THSD7B: variants seen among roughly 807,000 people sequenced by gnomAD.
The protein encoded by THSD7B is thrombospondin type 1 domain containing 7B, also known as thrombospondin type-1 domain-containing protein 7B.
A neutral mutation model predicts 213.6 loss-of-function variants in THSD7B; 138 were observed. The ratio of observed to expected loss-of-function variants is 0.65; its 90% confidence interval spans 0.56 to 0.74. The LOEUF is 0.74. Ranked by LOEUF, THSD7B falls within the 30% of genes least tolerant of loss-of-function variation. THSD7B has a pLI of 0.00. For synonymous variants in THSD7B, 742 were observed against 687.0 expected, an observed-to-expected ratio of 1.08 and a Z score of -1.25; for missense variants, 1,931 against 1,991.5, an observed-to-expected ratio of 0.97 and a Z score of 0.58.
intron 1 of THSD7B, among the ~76,000 whole-genome samples, chr2:136,850,239 G>A (rs1003664883): frequency 2.6e-5 from 4 of 151,980 alleles, no homozygotes; most frequent in African/African-American, 9.7e-5. Context: ...ACTGTATAAT[G>A]CTGCATTGTA....
chr2:136,882,601 G>A (rs1205321642), intron 2 of THSD7B, among the ~76,000 whole-genome samples: 1 of 152,150 alleles, frequency 6.6e-6, no homozygotes, highest in Non-Finnish European at 1.5e-5. Context: ...TCACCAGTGT[G>A]CAGCACATTT....
intron 1 of THSD7B, among the ~76,000 whole-genome samples, chr2:136,800,213 C>T (rs1408537202): frequency 6.6e-6 from 1 of 151,920 alleles, no homozygotes; most frequent in Non-Finnish European, 1.5e-5. Context: ...GTTTTCAACT[C>T]CCAGACCACC....
chr2:136,923,079 GAAATAT>G (rs1684461563), intron 2 of THSD7B, among the ~76,000 whole-genome samples: 1 of 152,096 alleles, frequency 6.6e-6, no homozygotes, highest in South Asian at 2.1e-4. Flanking sequence ...TTGCAACTCT[GAAATAT>G]TATACCCGTT....
At chr2:137,067,805 G>C (rs1687409066) in intron 3 of THSD7B, among the ~76,000 whole-genome samples, 1 of 151,882 alleles carries the variant, frequency 6.6e-6, no homozygotes, top group Non-Finnish European at 1.5e-5. Context: ...GAATTCTCTT[G>C]GTGTCTTTCA....
At chr2:137,075,998 TG>T (rs1054262352) in intron 3 of THSD7B, among the ~76,000 whole-genome samples, 4 of 152,136 alleles carry the variant, frequency 2.6e-5, no homozygotes, top group African/African-American at 9.7e-5. Context: ...CTGCCCCTAC[TG>T]GGGGGTGCCT....
Position 136,932,562 on chromosome 2 carries a change from TA to T in THSD7B, c.139+50246del, listed in dbSNP as rs1169077060. Among the ~76,000 whole-genome samples the T allele has an allele frequency of 2.0e-5, 3 of 152,354 alleles. No individual in the cohort carries two copies. In the East Asian group the frequency reaches 5.8e-4, roughly 29 times the overall value. On this transcript the variant is annotated intron_variant, in intron 2 of 27. Transcript: ENST00000409968. ...TTTGTATATTATATTTTATATACCATATTCTTACAATTAAGTAAGCTAGAGA... is the reference window on the plus strand; with the variant it reads ...TTTGTATATTATATTTTATATACCATTTCTTACAATTAAGTAAGCTAGAGA...
intron 17 of THSD7B, among the ~76,000 whole-genome samples, chr2:137,604,567 A>G (rs1014525691): frequency 6.6e-6 from 1 of 152,178 alleles, no homozygotes; most frequent in African/African-American, 2.4e-5. Flanking sequence ...TTTTAATCCC[A>G]AAAATTGCTT....
chr2:137,047,445 C>A (rs553097363), intron 2 of THSD7B, among the ~76,000 whole-genome samples: 3 of 152,106 alleles, frequency 2.0e-5, no homozygotes, highest in African/African-American at 7.2e-5. Context: ...GAGGAGAAAG[C>A]GCAGTGAAAG....
chr2:137,318,133 G>A (rs77942334), intron 12 of THSD7B, among the ~76,000 whole-genome samples: 134 of 152,110 alleles, frequency 8.8e-4, no homozygotes, highest in Middle Eastern at 3.4e-3. Flanking sequence ...ACCTACTTTC[G>A]CACATAATTG....
In THSD7B at chr2:137,676,611, A is replaced by AAAAG. The variant is rs1161246341; in HGVS notation, c.*10_*13dup. The AAAAG allele has an allele frequency of 6.4e-7, 1 of 1,562,276 alleles. No individual in the cohort carries two copies. The highest frequency in any genetic ancestry group is 2.3e-5 in the East Asian group (1 of 43,042). ...ATGGAGACTTAGACATGTAATCTGA[A>AAAAG]AAAGAAATCCAAATGTAGACATCAA... On this transcript the variant is annotated 3_prime_UTR_variant, in exon 28 of 28. Coordinates refer to ENST00000409968, the MANE Select transcript of THSD7B (RefSeq NM_001316349.2).
chr2:137,398,791 G>T (rs917670087), intron 12 of THSD7B, among the ~76,000 whole-genome samples: 1 of 152,206 alleles, frequency 6.6e-6, no homozygotes, highest in Non-Finnish European at 1.5e-5. Flanking sequence ...TTTGATCTCA[G>T]ACTGCTGTGC....
At chr2:137,078,681 G>C (rs1268623671) in intron 3 of THSD7B, among the ~76,000 whole-genome samples, 2 of 151,604 alleles carry the variant, frequency 1.3e-5, no homozygotes, top group Non-Finnish European at 2.9e-5. Context: ...TTTTCCAACT[G>C]TCTGAATAAG....
chr2:137,481,539 C>A (rs967862052), intron 15 of THSD7B, among the ~76,000 whole-genome samples: 1 of 152,258 alleles, frequency 6.6e-6, no homozygotes, highest in East Asian at 1.9e-4. Flanking sequence ...CTACAAAGTA[C>A]CAAATAGAAA....
At chr2:137,445,622 G>T (rs1226391574) in intron 14 of THSD7B, among the ~76,000 whole-genome samples, 2 of 151,938 alleles carry the variant, frequency 1.3e-5, no homozygotes, top group Non-Finnish European at 2.9e-5. Context: ...GGGTAGTAGG[G>T]AGGGAAGAGG....
intron 2 of THSD7B, among the ~76,000 whole-genome samples, chr2:136,946,963 G>A (rs779182922): frequency 1.2e-4 from 18 of 152,162 alleles, no homozygotes; most frequent in East Asian, 3.9e-4. Context: ...GCCCTGCCCC[G>A]CTTCGGCTCA....
chr2:137,427,785 TTAATAA>T (rs1376418017), intron 14 of THSD7B, among the ~76,000 whole-genome samples: 1 of 152,140 alleles, frequency 6.6e-6, no homozygotes, highest in South Asian at 2.1e-4. Flanking sequence ...GCAATCATAG[TTAATAA>T]TAGTATATAC....
At chr2:136,998,909 GACACACACACAC>G (rs57138045) in intron 2 of THSD7B, among the ~76,000 whole-genome samples, 12,215 of 129,872 alleles carry the variant, frequency 0.094, 743 homozygotes, top group Non-Finnish European at 0.14. Flanking sequence ...ATACCCAACA[GACACACACACAC>G]ACACACACAC....
intron 15 of THSD7B, among the ~76,000 whole-genome samples, chr2:137,562,432 GC>G (rs1014971083): frequency 1.2e-4 from 19 of 152,026 alleles, no homozygotes; most frequent in African/African-American, 4.6e-4. Context: ...TCAATTGGCT[GC>G]CCACTGGGAT....
At chr2:137,286,796 G>A (rs1573935400) in intron 12 of THSD7B, among the ~76,000 whole-genome samples, 4 of 152,138 alleles carry the variant, frequency 2.6e-5, no homozygotes, top group African/African-American at 7.2e-5. Context: ...CCTTATCCAC[G>A]AGCTATGGGC....
Sources: allele counts gnomAD v4.1 joint callset (sites outside exome capture counted in the v4.1 genomes callset), GRCh38; gene constraint gnomAD v4.1.1; transcripts MANE v1.5; gene names NCBI Gene and HGNC (gene_info 2026-07-23, HGNC 2026-07-21).